AKT2: variants seen among roughly 807,000 people sequenced by gnomAD.
The protein encoded by AKT2 is AKT serine/threonine kinase 2, also known as RAC-beta serine/threonine-protein kinase.
In AKT2, 16 loss-of-function variants were observed where a neutral mutation model predicts 58.6. The ratio of observed to expected loss-of-function variants is 0.27; its 90% CI spans 0.18 to 0.41. The LOEUF (loss-of-function observed/expected upper bound fraction) is 0.41, where lower values mean the gene tolerates loss of function less well. AKT2 is among the 10% of genes least tolerant of loss of function. The pLI is 1.00. For missense variants in AKT2, 438 were observed against 661.0 expected (o/e 0.66, Z 3.70); for synonymous variants, 253 against 254.0 (o/e 1.00, Z 0.04).
intron 2 of AKT2, among the ~76,000 whole-genome samples, chr19:40,259,296 C>T (rs990401860): frequency 3.3e-5 from 4 of 120,014 alleles, no homozygotes; most frequent in African/African-American, 1.6e-4. Flanking sequence ...AGGCAATGTG[C>T]CCAGAGTAGC....
chr19:40,236,427 G>A lies in AKT2; in HGVS notation c.832-42C>T, dbSNP rs779183342. ...CGGATCTCAGGTGCATGCTCCCAAGGCTTCCTGCCACCCCAGCCTTTCCTT... is the reference window on the plus strand; with the variant it reads ...CGGATCTCAGGTGCATGCTCCCAAGACTTCCTGCCACCCCAGCCTTTCCTT... On this transcript the variant is annotated intron_variant, in intron 9 of 13. Coordinates refer to ENST00000392038, the MANE Select transcript of AKT2 (RefSeq NM_001626.6). The A allele has an allele frequency of 1.3e-5, 21 of 1,613,180 alleles. No homozygotes were observed. In the South Asian group the frequency reaches 2.2e-4, roughly 17 times the overall value.
chr19:40,251,729 G>C (rs112851758), intron 4 of AKT2, among the ~76,000 whole-genome samples: 2 of 151,910 alleles, frequency 1.3e-5, no homozygotes, highest in African/African-American at 4.9e-5. Context: ...ATTCAAGTAC[G>C]GCATGGATAA....
At chr19:40,254,892 C>T (rs965239010) in intron 4 of AKT2, among the ~76,000 whole-genome samples, 2 of 151,906 alleles carry the variant, frequency 1.3e-5, no homozygotes, top group Non-Finnish European at 2.9e-5. Context: ...CAGGTAGTCA[C>T]AGGTCTTGAG....
At chr19:40,252,682 C>T (rs1039036380) in intron 4 of AKT2, among the ~76,000 whole-genome samples, 14 of 152,240 alleles carry the variant, frequency 9.2e-5, no homozygotes, top group Non-Finnish European at 1.6e-4. Flanking sequence ...CTCCTGGCCC[C>T]TTGGTTCTCT....
intron 7 of AKT2, 45 bp downstream of exon 7, chr19:40,240,000 C>T: frequency 1.3e-6 from 2 of 1,595,274 alleles, no homozygotes; most frequent in Middle Eastern, 1.7e-4. Flanking sequence ...TGAGCTCTGT[C>T]CAAAGGCTGG....
chr19:40,273,020 G>A (rs2077243022), intron 1 of AKT2, among the ~76,000 whole-genome samples: 1 of 152,152 alleles, frequency 6.6e-6, no homozygotes, highest in African/African-American at 2.4e-5. Flanking sequence ...AAAAGAGCCT[G>A]TAAGAGCAAC....
chr19:40,256,775 G>T, intron 3 of AKT2, 151 bp downstream of exon 3: 1 of 1,243,238 alleles, frequency 8.0e-7, no homozygotes, highest in Non-Finnish European at 1.2e-6. Flanking sequence ...CAGCTAACAA[G>T]GAGGGAGAGC....
At chr19:40,240,693 T>G in intron 6 of AKT2, 1 of 189,642 alleles carries the variant, frequency 5.3e-6, no homozygotes, top group Non-Finnish European at 1.1e-5. Flanking sequence ...GTTCCAAAAA[T>G]CTGGAGCCAC....
At chr19:40,279,010 G>A (rs1196426174) in intron 1 of AKT2, 1 of 152,304 alleles carries the variant, frequency 6.6e-6, no homozygotes, top group Non-Finnish European at 1.5e-5. Context: ...TTGAAGCCAG[G>A]CTGGAGAAGA....
At position 40,236,383 on chromosome 19, in the gene AKT2, C is replaced by A. The variant is rs1426817551; in HGVS notation, c.834G>T (p.Leu278=). 6.2e-7 allele frequency: 1 copy of A among 1,614,008 alleles called. No individual in the cohort carries two copies. Residue 278 remains leucine, a splice_region_variant and synonymous_variant, in exon 10 of 14, where the codon CTG becomes CTT. Transcript: ENST00000392038. ...CATCTTTGTCCAGCATGAGGTTTTC[C>A]AGCTGTTGGAAAAGTCAACGGATCT... ...SRDVVYRDIK[L]ENLMLDKDGH...
At position 40,233,622 on chromosome 19, in the gene AKT2, C is replaced by G; in HGVS notation, c.*250G>C. ...AAAACCTGAATCTCCAACCGCCCAA[C>G]AGCCCAGGCCTGGGCGGGAGGTGGA... On this transcript the variant is annotated 3_prime_UTR_variant, in exon 14 of 14. Coordinates refer to ENST00000392038, the MANE Select transcript of AKT2 (RefSeq NM_001626.6). The surrounding 1 kb of genome is among the most constrained non-coding windows in gnomAD (Gnocchi z 4.3). The G allele has an allele frequency of 1.3e-6, 1 of 747,356 alleles. No homozygotes were observed. The allele number at this position is 747,356 out of a possible 1,614,324, so 46.3% of individuals were successfully genotyped here. A position where few individuals can be genotyped will look rare whatever the true frequency, so the allele number is the denominator to read the frequency against.
intron 2 of AKT2, among the ~76,000 whole-genome samples, chr19:40,260,644 A>C (rs867894614): frequency 3.5e-4 from 53 of 150,558 alleles, no homozygotes; most frequent in African/African-American, 1.3e-3. Context: ...AAAAAAAAAA[A>C]AAAAAAAAAA....
intron 1 of AKT2, chr19:40,266,504 GA>G: frequency 6.6e-6 from 1 of 152,510 alleles, no homozygotes; most frequent in African/African-American, 2.4e-5. Context: ...AAGTAAACAA[GA>G]GGGTGAGAAA....
rs760399082 is a variant in AKT2 at position 40,238,067 on chromosome 19, G to A, written c.733C>T (p.Arg245Cys). 12 of 1,603,538 alleles carry A rather than the reference G, an allele frequency of 7.5e-6. No individual in the cohort carries two copies. In the East Asian group the frequency reaches 9.0e-5, roughly 12 times the overall value. ...GELFFHLSRE[R>C]VFTEERARFY... The stretch of plus-strand genomic sequence containing the variant: ...CGGGCCCGCTCCTCTGTGAAGACAC[G>A]CTCCCGGGACAGGTGGAAGAACAGC... The change falls in exon 9 of 14, where the codon CGT (arginine) becomes TGT (cysteine). Residue 245 changes from arginine to cysteine, a missense_variant. By Grantham distance (180) the Arg-to-Cys change is radical. This residue lies in a region of AKT2 where 244 missense variants were observed against 347.1 expected (regional missense o/e 0.70). Coordinates refer to ENST00000392038, the MANE Select transcript of AKT2 (RefSeq NM_001626.6). This position sits in a 1 kb window ranked among gnomAD's most constrained non-coding sequence, Gnocchi z 5.1.
chr19:40,236,553 T>C, intron 9 of AKT2, 168 bp from the exon 10 acceptor site: 1 of 886,772 alleles, frequency 1.1e-6, no homozygotes, highest in Non-Finnish European at 1.8e-6. Context: ...AGAGGCCAGA[T>C]CCAACCCTCC....
intron 1 of AKT2, among the ~76,000 whole-genome samples, chr19:40,283,679 G>A (rs1464971995): frequency 6.6e-6 from 1 of 152,128 alleles, no homozygotes; most frequent in African/African-American, 2.4e-5. Context: ...ACAGACCTCT[G>A]GGGCTGGCTG....
chr19:40,278,535 C>T (rs141406115), intron 1 of AKT2, among the ~76,000 whole-genome samples: 5 of 152,212 alleles, frequency 3.3e-5, no homozygotes, highest in South Asian at 2.1e-4. Flanking sequence ...TAATATGCAG[C>T]GTCTGGTTGG....
chr19:40,285,151 G>A, intron 1 of AKT2, 30 bp downstream of exon 1: 4 of 393,154 alleles, frequency 1.0e-5, no homozygotes, highest in East Asian at 7.2e-5. Flanking sequence ...CGTGGGGGGG[G>A]CGTTCGGGGA....
At position 40,232,980 on chromosome 19, in the gene AKT2, G is replaced by A. The variant is rs532963324; in HGVS notation, c.*892C>T. 44 of 188,944 alleles carry A rather than the reference G, an allele frequency of 2.3e-4. No homozygotes were observed. In the East Asian group the frequency reaches 3.1e-3, roughly 13 times the overall value. The allele number at this position is 188,944 out of a possible 1,614,324, so 11.7% of individuals were successfully genotyped here. ...AAGTCCATGGGGCCCAATACTGTCCGGTGTAAGATTGTAACAGCCAAGGCT... is the reference window on the plus strand; with the variant it reads ...AAGTCCATGGGGCCCAATACTGTCCAGTGTAAGATTGTAACAGCCAAGGCT... On this transcript the variant is annotated 3_prime_UTR_variant, in exon 14 of 14. Transcript: ENST00000392038.
Sources: gnomAD v4.1 joint callset for allele counts (sites outside exome capture counted in the v4.1 genomes callset) on GRCh38, gnomAD v4.1.1 for gene constraint, gnomAD v4.1.1 regional missense constraint, Gnocchi (gnomAD v3.1) non-coding constraint, MANE v1.5 for transcripts, NCBI Gene and HGNC (gene_info 2026-07-23, HGNC 2026-07-21) for gene names.